Variants in NRXN3 observed in about 807,000 individuals in gnomAD.
NRXN3 encodes the protein neurexin 3, also known as neurexin III.
Under a neutral mutation model 137.6 loss-of-function variants are expected in NRXN3, and 32 were observed. The ratio of observed to expected loss-of-function variants is 0.23; its 90% confidence interval spans 0.18 to 0.31. The LOEUF is 0.31. Among genes scored for constraint, NRXN3 ranks in the 10% least tolerant of loss-of-function variants. The pLI, the probability that NRXN3 is intolerant of heterozygous loss-of-function variation, is 1.00. For synonymous variants in NRXN3, 798 were observed against 784.5 expected (o/e 1.02, Z -0.29); for missense variants, 1,574 against 2,062.5 (o/e 0.76, Z 4.59).
chr14:79,832,200 AGTT>A (rs1268383253), intron 20 of NRXN3, among the ~76,000 whole-genome samples: 1 of 152,154 alleles, frequency 6.6e-6, no homozygotes, highest in Non-Finnish European at 1.5e-5. Context: ...ATTTACCTGC[AGTT>A]GTTGAATGAG....
chr14:79,136,450 A>G (rs573525447), intron 15 of NRXN3, among the ~76,000 whole-genome samples: 5 of 152,354 alleles, frequency 3.3e-5, no homozygotes, highest in Admixed American at 2.0e-4. Flanking sequence ...CTCAAAATGA[A>G]TAAGTGATAC....
At chr14:79,051,598 G>A (rs1018715291) in intron 15 of NRXN3, among the ~76,000 whole-genome samples, 1 of 152,218 alleles carries the variant, frequency 6.6e-6, no homozygotes, top group Admixed American at 6.5e-5. Context: ...TTCAGAGCTG[G>A]AAAGTCCCTT....
intron 4 of NRXN3, among the ~76,000 whole-genome samples, chr14:78,439,285 A>G (rs2094168294): frequency 1.3e-5 from 2 of 152,166 alleles, no homozygotes; most frequent in Admixed American, 6.5e-5. Context: ...AAAAGCTTAG[A>G]TCTAGGGGCA....
At chr14:79,699,839 A>T (rs2098748424) in intron 19 of NRXN3, among the ~76,000 whole-genome samples, 1 of 152,028 alleles carries the variant, frequency 6.6e-6, no homozygotes, top group South Asian at 2.1e-4. Flanking sequence ...CCAAGTCTAC[A>T]AAAATGAGTT....
intron 4 of NRXN3, among the ~76,000 whole-genome samples, chr14:78,578,876 G>A (rs1048038651): frequency 2.0e-5 from 3 of 151,934 alleles, no homozygotes; most frequent in Admixed American, 2.0e-4. Flanking sequence ...CTGAGAATGA[G>A]CATCTACAGG....
intron 20 of NRXN3, among the ~76,000 whole-genome samples, chr14:79,855,897 C>G (rs1483569266): frequency 6.6e-6 from 1 of 151,972 alleles, no homozygotes; most frequent in Non-Finnish European, 1.5e-5. Context: ...GAAATTTGAC[C>G]AAATTCCTAG....
At chr14:79,190,280 TAA>T (rs926078079) in intron 15 of NRXN3, among the ~76,000 whole-genome samples, 65 of 152,330 alleles carry the variant, frequency 4.3e-4, no homozygotes, top group African/African-American at 1.6e-3. Context: ...CTTTCTCATT[TAA>T]CTGACAGATT....
chr14:79,053,610 G>A (rs2099645498), intron 15 of NRXN3, among the ~76,000 whole-genome samples: 1 of 130,986 alleles, frequency 7.6e-6, no homozygotes, highest in Non-Finnish European at 1.6e-5. Context: ...CGTGTTCTAT[G>A]TGTGCTGTAT....
At chr14:79,548,446 C>T (rs139486057) in intron 16 of NRXN3, among the ~76,000 whole-genome samples, 32 of 152,182 alleles carry the variant, frequency 2.1e-4, no homozygotes, top group African/African-American at 7.2e-4. Flanking sequence ...CATTGATAGA[C>T]ATTTGGGTTT....
rs555490735 is a variant in NRXN3 at position 78,470,896 on chromosome 14, T to C, written c.757+173036T>C. 2.0e-5 allele frequency among the ~76,000 whole-genome samples: 3 copies of C among 152,262 alleles called. No homozygotes were observed. In the South Asian group the frequency reaches 6.2e-4, roughly 32 times the overall value. On this transcript the variant is annotated intron_variant, in intron 4 of 20. Transcript: ENST00000335750. ...TTTCACAGATGGAAAAATTGAGACT[T>C]CTGACAGCAACCTTCCGAAGGTCAG...
At chr14:78,367,956 G>A (rs988004135) in intron 4 of NRXN3, among the ~76,000 whole-genome samples, 6 of 152,104 alleles carry the variant, frequency 3.9e-5, no homozygotes, top group Admixed American at 1.3e-4. Context: ...AAAGTCTGGG[G>A]GATGCCTTTA....
chr14:78,835,829 T>C (rs1418457510), intron 10 of NRXN3, among the ~76,000 whole-genome samples: 1 of 152,096 alleles, frequency 6.6e-6, no homozygotes, highest in Non-Finnish European at 1.5e-5. Flanking sequence ...CCTCAAAGAC[T>C]CTAAGTCTAT....
At chr14:78,570,581 G>A (rs928775484) in intron 4 of NRXN3, among the ~76,000 whole-genome samples, 1 of 152,146 alleles carries the variant, frequency 6.6e-6, no homozygotes, top group African/African-American at 2.4e-5. Context: ...ATTCTGGGTG[G>A]CCAAGCAGTT....
intron 15 of NRXN3, among the ~76,000 whole-genome samples, chr14:79,054,314 GA>G (rs1189144652): frequency 6.6e-6 from 1 of 151,910 alleles, no homozygotes; most frequent in Non-Finnish European, 1.5e-5. Context: ...GTATATAAAA[GA>G]AAAAAAGAAT....
chr14:79,835,057 C>T lies in NRXN3; in HGVS notation c.4094-26285C>T, dbSNP rs190626472. Among the ~76,000 whole-genome samples, 165 of 152,176 alleles carry T rather than the reference C, an allele frequency of 1.1e-3. 1 individual carries two copies. The highest frequency in any genetic ancestry group is 3.5e-4 in the Non-Finnish European group (24 of 67,998). On this transcript the variant is annotated intron_variant, in intron 20 of 20. Transcript: ENST00000335750. ...TCAGGTCATGTGATATTTGTCTGTG[C>T]ATGGTCCATTTCACTTAGCATAATA... is the stretch of plus-strand genomic sequence containing the variant.
rs544777229 is a variant in NRXN3 at position 79,513,954 on chromosome 14, T to C, written c.3444+46552T>C. ...ATACAATAAATTAATACTTACATTC[T>C]AAGGGACTATACACAATCGTAAAGC... On this transcript the variant is annotated intron_variant, in intron 16 of 20. Coordinates refer to ENST00000335750, the MANE Select transcript of NRXN3 (RefSeq NM_001330195.2). 2.6e-5 allele frequency among the ~76,000 whole-genome samples: 4 copies of C among 152,296 alleles called. No individual in the cohort carries two copies. The East Asian group carries it at 7.7e-4, about 29-fold the overall frequency.
chr14:79,563,662 T>TCA lies in NRXN3; in HGVS notation c.3444+96260_3444+96261insCA, dbSNP rs1252077003. On this transcript the variant is annotated intron_variant, in intron 16 of 20. Transcript: ENST00000335750. ...AGGGATGAGCTTCCCACAAATAATGTTAAAAAAAAAAAAAAAAGGAGAAAG... is the reference window on the plus strand; with the variant it reads ...AGGGATGAGCTTCCCACAAATAATGTCATAAAAAAAAAAAAAAAAGGAGAAAG... 5.5e-4 allele frequency among the ~76,000 whole-genome samples: 47 copies of TCA among 84,898 alleles called. No homozygotes were observed. The East Asian group carries it at 0.018, about 32-fold the overall frequency. The allele number at this position is 84,898 out of a possible 152,430, so 55.7% of individuals were successfully genotyped here.
chr14:79,196,292 G>C (rs2065119510), intron 15 of NRXN3, among the ~76,000 whole-genome samples: 1 of 152,216 alleles, frequency 6.6e-6, no homozygotes, highest in Non-Finnish European at 1.5e-5. Flanking sequence ...AAAATGAACA[G>C]AAATTTATTT....
intron 15 of NRXN3, among the ~76,000 whole-genome samples, chr14:79,149,374 G>T (rs2153026047): frequency 1.3e-5 from 2 of 151,740 alleles, no homozygotes; most frequent in East Asian, 3.9e-4. Context: ...GAAAAGAGAA[G>T]GTAGGCTTGA....
Sources: allele counts gnomAD v4.1 joint callset (sites outside exome capture counted in the v4.1 genomes callset), GRCh38; gene constraint gnomAD v4.1.1; transcripts MANE v1.5; gene names NCBI Gene and HGNC (gene_info 2026-07-23, HGNC 2026-07-21).